Variants in LINGO2 observed in about 807,000 individuals in gnomAD.
LINGO2 encodes the protein leucine-rich repeat and immunoglobulin-like domain-containing nogo receptor-interacting protein 2.
In LINGO2, 14 loss-of-function variants were observed where a neutral mutation model predicts 30.6. The observed-to-expected ratio is 0.46, with a 90% CI of 0.30 to 0.72. The LOEUF (loss-of-function observed/expected upper bound fraction) is 0.72. LINGO2 is among the 30% of genes least tolerant of loss of function. The pLI, the probability that LINGO2 is intolerant of heterozygous loss-of-function variation, is 0.07. For missense variants in LINGO2, 729 were observed against 751.7 expected (o/e 0.97, Z 0.35); for synonymous variants, 317 against 288.5 (o/e 1.10, Z -1.00).
intron 5 of LINGO2, among the ~76,000 whole-genome samples, chr9:27,961,276 CCAT>C (rs1819832984): frequency 6.6e-6 from 1 of 152,102 alleles, no homozygotes; most frequent in African/African-American, 2.4e-5. Flanking sequence ...GGATGTGACC[CCAT>C]CATAAGTCAT....
At chr9:29,123,211 G>T in the LINGO2 span, among the ~76,000 whole-genome samples, 69 of 152,036 alleles carry the variant, frequency 4.5e-4, no homozygotes, top group Non-Finnish European at 8.4e-4. Flanking sequence ...TACAATCAAT[G>T]AAACAGACAA....
intron 2 of LINGO2, among the ~76,000 whole-genome samples, chr9:28,417,976 AG>A (rs1348805591): frequency 6.6e-6 from 1 of 152,166 alleles, no homozygotes; most frequent in Admixed American, 6.5e-5. Context: ...GTGGTAAGAA[AG>A]GGGACTGAAC....
intron 5 of LINGO2, among the ~76,000 whole-genome samples, chr9:27,970,321 G>T (rs932662700): frequency 3.3e-5 from 5 of 152,096 alleles, no homozygotes; most frequent in African/African-American, 1.2e-4. Context: ...CTTAGGCTCG[G>T]GGGATCTGTT....
intron 1 of LINGO2, among the ~76,000 whole-genome samples, chr9:28,633,870 T>A (rs1827119013): frequency 6.6e-6 from 1 of 152,158 alleles, no homozygotes; most frequent in Admixed American, 6.5e-5. Context: ...AGTAAATAGT[T>A]TAGAATTTTG....
the LINGO2 span, among the ~76,000 whole-genome samples, chr9:28,898,793 A>G: frequency 3.3e-5 from 5 of 152,132 alleles, no homozygotes. Flanking sequence ...GACAGGAGGG[A>G]GAAGAGCAGA....
At chr9:29,056,109 C>T in the LINGO2 span, among the ~76,000 whole-genome samples, 1 of 151,882 alleles carries the variant, frequency 6.6e-6, no homozygotes, top group Non-Finnish European at 1.5e-5. Flanking sequence ...ATAATGACTT[C>T]TTTTCCTCTG....
intron 4 of LINGO2, among the ~76,000 whole-genome samples, chr9:28,016,640 C>G (rs1282388607): frequency 1.1e-5 from 1 of 87,404 alleles, no homozygotes. Flanking sequence ...CAGGAAGACA[C>G]TGAATCTCCA....
chr9:28,614,419 T>C (rs1437330606), intron 1 of LINGO2, among the ~76,000 whole-genome samples: 1 of 152,086 alleles, frequency 6.6e-6, no homozygotes. Flanking sequence ...TCAAAAGAAT[T>C]TTCTAATAAA....
intron 3 of LINGO2, among the ~76,000 whole-genome samples, chr9:28,317,087 C>G (rs554094322): frequency 2.0e-5 from 3 of 152,086 alleles, no homozygotes; most frequent in Non-Finnish European, 4.4e-5. Flanking sequence ...TTCTTTTGTA[C>G]TGTATTAATG....
the LINGO2 span, among the ~76,000 whole-genome samples, chr9:29,138,298 C>G: frequency 3.3e-5 from 5 of 149,708 alleles, no homozygotes; most frequent in East Asian, 2.0e-4. Context: ...AAGTTCCCTT[C>G]TTTTTCACTG....
rs140081558 is a variant in LINGO2 at position 28,135,356 on chromosome 9, A to T, written c.-86-122951T>A. ...GAATTCAAGAAAGAGAAGAGAAAAT[A>T]AAATGAGTAAAGAAGGCAAGATTAA... On this transcript the variant is annotated intron_variant, in intron 4 of 5. Transcript: ENST00000379992. Among the ~76,000 whole-genome samples, 7 of 152,306 alleles carry T rather than the reference A, an allele frequency of 4.6e-5. No individual in the cohort carries two copies. In the East Asian group the frequency reaches 1.4e-3, roughly 29 times the overall value.
the LINGO2 span, among the ~76,000 whole-genome samples, chr9:29,083,778 T>G: frequency 6.6e-6 from 1 of 152,082 alleles, no homozygotes; most frequent in Non-Finnish European, 1.5e-5. Context: ...GTACCAGTTT[T>G]GACATTAAGC....
At chr9:29,002,727 T>C in the LINGO2 span, among the ~76,000 whole-genome samples, 1 of 151,998 alleles carries the variant, frequency 6.6e-6, no homozygotes, top group African/African-American at 2.4e-5. Flanking sequence ...TTGACCTGAC[T>C]CTGCTCAGGT....
intron 4 of LINGO2, among the ~76,000 whole-genome samples, chr9:28,075,424 A>G (rs1401170999): frequency 6.6e-6 from 1 of 151,902 alleles, no homozygotes. Context: ...ATTCTGTTGT[A>G]TATGTGAAGG....
the LINGO2 span, among the ~76,000 whole-genome samples, chr9:29,047,686 C>T: frequency 1.3e-5 from 2 of 152,256 alleles, no homozygotes; most frequent in South Asian, 2.1e-4. Flanking sequence ...AAAAATTATA[C>T]TTGTTTGCAG....
the LINGO2 span, among the ~76,000 whole-genome samples, chr9:29,126,569 T>C: frequency 6.6e-6 from 1 of 152,108 alleles, no homozygotes; most frequent in Non-Finnish European, 1.5e-5. Flanking sequence ...GTTCAAGTAG[T>C]ATCTTATGTG....
intron 2 of LINGO2, among the ~76,000 whole-genome samples, chr9:28,475,019 A>G (rs1825674980): frequency 1.3e-5 from 2 of 152,154 alleles, no homozygotes; most frequent in African/African-American, 2.4e-5. Context: ...TCTACAATGC[A>G]TTAAAAATAA....
At chr9:28,530,735 A>G (rs1821201181) in intron 1 of LINGO2, among the ~76,000 whole-genome samples, 1 of 152,132 alleles carries the variant, frequency 6.6e-6, no homozygotes, top group African/African-American at 2.4e-5. Context: ...TAATATTAAA[A>G]TGTTCACTAT....
At chr9:28,883,334 G>T in the LINGO2 span, among the ~76,000 whole-genome samples, 1 of 151,742 alleles carries the variant, frequency 6.6e-6, no homozygotes, top group Non-Finnish European at 1.5e-5. Context: ...CACTGTGCCC[G>T]GCCTAGTCTT....
Sources: allele counts gnomAD v4.1 joint callset (sites outside exome capture counted in the v4.1 genomes callset), GRCh38; gene constraint gnomAD v4.1.1; transcripts MANE v1.5; gene names NCBI Gene and HGNC (gene_info 2026-07-23, HGNC 2026-07-21).